GPC6: variants seen among roughly 807,000 people sequenced by gnomAD.
The protein encoded by GPC6 is glypican-6.
A neutral mutation model predicts 55.2 loss-of-function variants in GPC6; 14 were observed. That is an observed-to-expected ratio of 0.25 (90% CI 0.17 to 0.40). The LOEUF is 0.40. GPC6 is among the 10% of genes least tolerant of loss of function. The pLI is 1.00. For synonymous variants in GPC6, 278 were observed against 259.6 expected, an observed-to-expected ratio of 1.07 and a Z score of -0.68; for missense variants, 641 against 708.5, an observed-to-expected ratio of 0.90 and a Z score of 1.08.
chr13:94,272,746 G>A (rs892706326), intron 4 of GPC6, among the ~76,000 whole-genome samples: 6 of 151,994 alleles, frequency 3.9e-5, no homozygotes, highest in African/African-American at 7.2e-5. Context: ...GGGATTACAG[G>A]CATGAGACAC....
chr13:94,358,730 C>G (rs1210287029), intron 6 of GPC6, among the ~76,000 whole-genome samples: 2 of 152,140 alleles, frequency 1.3e-5, no homozygotes, highest in Non-Finnish European at 2.9e-5. Flanking sequence ...ACCCCAGGAC[C>G]ACCTATGCCT....
At chr13:93,830,631 A>AAAC in intron 3 of GPC6, 86 bp downstream of exon 3, 39 of 1,163,122 alleles carry the variant, frequency 3.4e-5, no homozygotes, top group Non-Finnish European at 4.2e-5. Context: ...AAAAAAAAAA[A>AAAC]AAAAAAACCA....
At position 93,936,795 on chromosome 13, in the gene GPC6, A is replaced by G. The variant is rs1240479882; in HGVS notation, c.712-90934A>G. On this transcript the variant is annotated intron_variant, in intron 3 of 8. Coordinates refer to ENST00000377047, the MANE Select transcript of GPC6 (RefSeq NM_005708.5). ...AACCACGGGTGGATTTTCAGATTCT[A>G]TAAATTATCTTCAGTGATTGAATAA... is the stretch of plus-strand genomic sequence containing the variant. 4.6e-5 allele frequency among the ~76,000 whole-genome samples: 7 copies of G among 152,230 alleles called. No homozygotes were observed. In the East Asian group the frequency reaches 1.2e-3, roughly 25 times the overall value.
chr13:93,798,207 A>G (rs574871935), intron 2 of GPC6, among the ~76,000 whole-genome samples: 1 of 152,226 alleles, frequency 6.6e-6, no homozygotes, highest in South Asian at 2.1e-4. Flanking sequence ...GGCGATGATG[A>G]AGGTGTGAAA....
At chr13:93,728,610 A>G (rs1193270060) in intron 2 of GPC6, among the ~76,000 whole-genome samples, 1 of 151,758 alleles carries the variant, frequency 6.6e-6, no homozygotes, top group Non-Finnish European at 1.5e-5. Flanking sequence ...TGTGTTGCCC[A>G]GGCTGGAGTG....
intron 1 of GPC6, among the ~76,000 whole-genome samples, chr13:93,401,793 GTTAT>G (rs1295139196): frequency 3.4e-5 from 5 of 145,512 alleles, no homozygotes; most frequent in East Asian, 2.1e-4. Flanking sequence ...ATCATATATA[GTTAT>G]TTATTTATAT....
intron 2 of GPC6, among the ~76,000 whole-genome samples, chr13:93,696,529 C>A (rs1882457485): frequency 6.8e-6 from 1 of 147,452 alleles, no homozygotes; most frequent in African/African-American, 2.7e-5. Context: ...TTTCTTCCCT[C>A]CCCCTTTTTT....
intron 3 of GPC6, among the ~76,000 whole-genome samples, chr13:93,911,187 A>G (rs372102750): frequency 2.0e-5 from 3 of 152,244 alleles, no homozygotes; most frequent in East Asian, 1.9e-4. Flanking sequence ...AGGCAAAGTC[A>G]TAATGACCAG....
chr13:93,861,677 C>T (rs1888818167), intron 3 of GPC6, among the ~76,000 whole-genome samples: 1 of 151,600 alleles, frequency 6.6e-6, no homozygotes, highest in African/African-American at 2.4e-5. Flanking sequence ...TTCATTATCT[C>T]ATGTTGTCTC....
intron 2 of GPC6, among the ~76,000 whole-genome samples, chr13:93,814,221 G>A (rs7330202): frequency 0.38 from 57,940 of 151,912 alleles, 11,928 homozygotes; most frequent in African/African-American, 0.53. Flanking sequence ...TTTATACAGC[G>A]CTTATTCTAG....
chr13:93,456,541 A>G (rs1296283143), intron 1 of GPC6, among the ~76,000 whole-genome samples: 2 of 151,938 alleles, frequency 1.3e-5, no homozygotes, highest in Non-Finnish European at 2.9e-5. Context: ...TTGTATTAGA[A>G]TAGTGTATTC....
At chr13:93,496,183 G>A (rs554665621) in intron 1 of GPC6, among the ~76,000 whole-genome samples, 7 of 152,244 alleles carry the variant, frequency 4.6e-5, no homozygotes, top group South Asian at 4.2e-4. Flanking sequence ...GAGAGTCCGT[G>A]GGCGTAGGAC....
intron 4 of GPC6, among the ~76,000 whole-genome samples, chr13:94,089,143 C>T (rs562649833): frequency 6.6e-6 from 1 of 152,252 alleles, no homozygotes; most frequent in African/African-American, 2.4e-5. Flanking sequence ...GCCCTTTGTA[C>T]AGTAATCCAG....
intron 3 of GPC6, among the ~76,000 whole-genome samples, chr13:93,858,618 G>A (rs1464264568): frequency 4.6e-5 from 7 of 151,590 alleles, no homozygotes; most frequent in Non-Finnish European, 8.9e-5. Context: ...AAAACATGAT[G>A]TTCTAGAATT....
At chr13:93,231,341 ATATACATATATATATATAC>A (rs879266927) in intron 1 of GPC6, among the ~76,000 whole-genome samples, 21,761 of 74,582 alleles carry the variant, frequency 0.29, 2,307 homozygotes, top group Admixed American at 0.4. Flanking sequence ...GTATATATAT[ATATACATATATATATATAC>A]GTATATATAT....
At chr13:94,050,567 T>C (rs112492294) in intron 4 of GPC6, among the ~76,000 whole-genome samples, 2,140 of 152,308 alleles carry the variant, frequency 0.014, 58 homozygotes, top group African/African-American at 0.049. Context: ...CAGCAAAAGC[T>C]AGCCTGCTAA....
At chr13:93,299,787 A>G (rs1878612050) in intron 1 of GPC6, among the ~76,000 whole-genome samples, 1 of 152,210 alleles carries the variant, frequency 6.6e-6, no homozygotes, top group Non-Finnish European at 1.5e-5. Context: ...GTTATAAATT[A>G]TATGTAATTA....
At chr13:94,259,497 C>T (rs1891596795) in intron 4 of GPC6, among the ~76,000 whole-genome samples, 1 of 152,108 alleles carries the variant, frequency 6.6e-6, no homozygotes, top group Admixed American at 6.5e-5. Flanking sequence ...TAAAAGCTAG[C>T]TTTCATTGTA....
chr13:93,345,780 T>A (rs937641959), intron 1 of GPC6, among the ~76,000 whole-genome samples: 1 of 152,206 alleles, frequency 6.6e-6, no homozygotes, highest in African/African-American at 2.4e-5. Context: ...ACCTATTTTT[T>A]ATTAAATTTT....
Sources: allele counts gnomAD v4.1 joint callset (sites outside exome capture counted in the v4.1 genomes callset), GRCh38; gene constraint gnomAD v4.1.1; transcripts MANE v1.5; gene names NCBI Gene and HGNC (gene_info 2026-07-23, HGNC 2026-07-21).